CFAP54: variants seen among roughly 807,000 people sequenced by gnomAD.
CFAP54 encodes cilia- and flagella-associated protein 54.
In CFAP54, 290 loss-of-function variants were observed where a neutral mutation model predicts 370.4. The observed-to-expected ratio is 0.78, with a 90% CI of 0.71 to 0.86. The LOEUF (loss-of-function observed/expected upper bound fraction) is 0.86. Ranked by LOEUF, CFAP54 falls within the 40% of genes least tolerant of loss-of-function variation. The pLI is 0.00. For synonymous variants in CFAP54, 1,206 were observed against 1,236.5 expected, an observed-to-expected ratio of 0.98 and a Z score of 0.52; for missense variants, 3,399 against 3,528.7, an observed-to-expected ratio of 0.96 and a Z score of 0.93.
At chr12:96,542,022 C>G (rs1313454507) in intron 14 of CFAP54, among the ~76,000 whole-genome samples, 1 of 152,098 alleles carries the variant, frequency 6.6e-6, no homozygotes, top group Non-Finnish European at 1.5e-5. Flanking sequence ...CTGGTTGCAG[C>G]CCTGTACTAT....
chr12:96,833,026 G>A lies in CFAP54; in HGVS notation c.9171+3938G>A, dbSNP rs186656545. ...CCTATTACAAATTACCTTTGCCTAT[G>A]TTAACTCTTCCTAATTAAAATAAAT... On this transcript the variant is annotated intron_variant, in intron 66 of 67. Transcript: ENST00000524981. Among the ~76,000 whole-genome samples, 7 of 152,284 alleles carry A rather than the reference G, an allele frequency of 4.6e-5. No homozygotes were observed. In the East Asian group the frequency reaches 1.3e-3, roughly 29 times the overall value.
intron 58 of CFAP54, among the ~76,000 whole-genome samples, chr12:96,760,792 TTTGTTGTTGTTG>T (rs1165896087): frequency 3.9e-5 from 6 of 152,180 alleles, no homozygotes; most frequent in Non-Finnish European, 1.5e-5. Flanking sequence ...TAACGGTAGT[TTTGTTGTTGTTG>T]TTGCTTAATA....
intron 50 of CFAP54, 138 bp downstream of exon 50, chr12:96,720,703 A>G: frequency 1.4e-6 from 1 of 717,852 alleles, no homozygotes. Flanking sequence ...TATTCAGGGA[A>G]GTTTTCATAC....
At chr12:96,725,451 G>C (rs1455794559) in intron 50 of CFAP54, among the ~76,000 whole-genome samples, 2 of 152,016 alleles carry the variant, frequency 1.3e-5, no homozygotes, top group Admixed American at 6.6e-5. Context: ...GTGAATGGGA[G>C]TTCACTCATG....
chr12:96,754,562 G>A (rs1210561689), intron 56 of CFAP54, among the ~76,000 whole-genome samples: 2 of 152,054 alleles, frequency 1.3e-5, no homozygotes, highest in African/African-American at 2.4e-5. Context: ...AATTAGGTGC[G>A]GTCTGGTTAA....
At chr12:96,559,401 A>G (rs1005526068) in intron 17 of CFAP54, among the ~76,000 whole-genome samples, 3 of 152,166 alleles carry the variant, frequency 2.0e-5, no homozygotes, top group Non-Finnish European at 4.4e-5. Flanking sequence ...ATGTACCCAT[A>G]AAAGTTAAAA....
intron 22 of CFAP54, among the ~76,000 whole-genome samples, chr12:96,582,246 A>G (rs1956039713): frequency 6.6e-6 from 1 of 152,182 alleles, no homozygotes; most frequent in African/African-American, 2.4e-5. Flanking sequence ...ATACTCATGA[A>G]TTAATGTTTT....
intron 5 of CFAP54, 142 bp from the exon 6 acceptor site, chr12:96,518,782 GTTTC>G (rs1955269122): frequency 1.4e-6 from 1 of 697,090 alleles, no homozygotes; most frequent in Non-Finnish European, 2.1e-6. Flanking sequence ...TTAAATGCTT[GTTTC>G]TTCTTGACAC....
At position 96,874,420 on chromosome 12, in the gene CFAP54, A is replaced by G. The variant is rs531060891; in HGVS notation, c.*15-698A>G. 2.6e-5 allele frequency among the ~76,000 whole-genome samples: 4 copies of G among 152,292 alleles called. No homozygotes were observed. In the East Asian group the frequency reaches 7.7e-4, roughly 29 times the overall value. On this transcript the variant is annotated intron_variant, in intron 67 of 67. Transcript: ENST00000524981. ...AATAGAATGAGAGCTCCTGCTGGAC[A>G]ATGGCACAACAGTGAGTTTTGTAAG...
intron 60 of CFAP54, among the ~76,000 whole-genome samples, chr12:96,770,002 G>T (rs1008672557): frequency 6.6e-6 from 1 of 152,130 alleles, no homozygotes; most frequent in Admixed American, 6.5e-5. Flanking sequence ...GAGATACAGG[G>T]TCGATAACAA....
Position 96,700,204 on chromosome 12 carries a change from C to G in CFAP54, c.6474+111C>G, listed in dbSNP as rs1957477202. ...ATTTACAATCTCTGGTATTTTAGCC[C>G]TCTTTGTTAAGCCTGGTTACAACTA... On this transcript the variant is annotated intron_variant, in intron 46 of 67. Coordinates refer to ENST00000524981, the MANE Select transcript of CFAP54 (RefSeq NM_001306084.2). The G allele has an allele frequency of 3.2e-6, 4 of 1,235,700 alleles. No individual in the cohort carries two copies. The East Asian group carries it at 1.0e-4, about 31-fold the overall frequency. The allele number at this position is 1,235,700 out of a possible 1,614,324, so 76.5% of individuals were successfully genotyped here.
rs1269954408 is a variant in CFAP54, at chr12:96,658,254, C to T, written c.5368C>T (p.Gln1790Ter). Residue 1790 changes from glutamine to a stop codon, truncating the protein, a stop_gained, in exon 38 of 68, where the codon CAG (glutamine) becomes TAG (stop). Coordinates refer to ENST00000524981, the MANE Select transcript of CFAP54 (RefSeq NM_001306084.2). LOFTEE classifies it high-confidence loss of function. ...AGTGACACCACTTCTGGTGTATGCA[C>T]AGCGCCAGCTTCTGCTGAGAATACA... ...EQVTPLLVYAQRQLLLRIQKF... is the reference protein window; with the variant it reads ...EQVTPLLVYA 1 of 1,614,054 alleles carries T rather than the reference C, an allele frequency of 6.2e-7. No homozygotes were observed. The highest frequency in any genetic ancestry group is 1.7e-5 in the Admixed American group (1 of 60,024).
chr12:96,490,045 T>A, intron 1 of CFAP54, 119 bp downstream of exon 1: 1 of 915,010 alleles, frequency 1.1e-6, no homozygotes, highest in Non-Finnish European at 1.6e-6. Flanking sequence ...AGGGGCTGGC[T>A]GAAGGGCCCA....
intron 63 of CFAP54, among the ~76,000 whole-genome samples, chr12:96,802,661 T>C (rs1428926112): frequency 6.6e-6 from 1 of 152,088 alleles, no homozygotes; most frequent in Non-Finnish European, 1.5e-5. Flanking sequence ...TTATTATACT[T>C]TAAGTTCTGG....
At chr12:96,543,641 G>A (rs1955603029) in intron 14 of CFAP54, among the ~76,000 whole-genome samples, 2 of 152,076 alleles carry the variant, frequency 1.3e-5, no homozygotes, top group Non-Finnish European at 2.9e-5. Flanking sequence ...TGAGGCTTTG[G>A]ATGATGTTTT....
At chr12:96,653,731 G>A (rs1332726090) in intron 36 of CFAP54, among the ~76,000 whole-genome samples, 1 of 151,440 alleles carries the variant, frequency 6.6e-6, no homozygotes, top group Non-Finnish European at 1.5e-5. Flanking sequence ...AAACTAAAGA[G>A]AAGAAAGGAA....
At chr12:96,709,212 T>C (rs1957582018) in intron 48 of CFAP54, among the ~76,000 whole-genome samples, 1 of 152,202 alleles carries the variant, frequency 6.6e-6, no homozygotes, top group Admixed American at 6.5e-5. Flanking sequence ...CCCATGAATG[T>C]TCCTTGGCAA....
At chr12:96,657,550 A>G (rs963153747) in intron 36 of CFAP54, among the ~76,000 whole-genome samples, 8 of 152,230 alleles carry the variant, frequency 5.3e-5, no homozygotes, top group African/African-American at 1.9e-4. Flanking sequence ...ATATGTGGCT[A>G]TTTAAATTTA....
At chr12:96,810,605 T>A (rs1372251329) in intron 63 of CFAP54, among the ~76,000 whole-genome samples, 1 of 152,182 alleles carries the variant, frequency 6.6e-6, no homozygotes, top group East Asian at 1.9e-4. Flanking sequence ...ATACCGGAAC[T>A]GAATGGACCC....
Sources: allele counts gnomAD v4.1 joint callset (sites outside exome capture counted in the v4.1 genomes callset), GRCh38; gene constraint gnomAD v4.1.1; transcripts MANE v1.5; gene names NCBI Gene and HGNC (gene_info 2026-07-23, HGNC 2026-07-21).